The following CFAP299 variants were observed in gnomAD, a reference collection of about 807,000 sequenced individuals.
The protein encoded by CFAP299 is cilia and flagella associated protein 299.
In CFAP299, 21 loss-of-function variants were observed where a neutral mutation model predicts 27.0. The observed-to-expected ratio is 0.78, with a 90% CI of 0.55 to 1.12. The LOEUF (loss-of-function observed/expected upper bound fraction) is 1.12. CFAP299 is among the 50% of genes most tolerant of loss of function. The pLI, the probability that CFAP299 is intolerant of heterozygous loss-of-function variation, is 0.00. For missense variants in CFAP299, 310 were observed against 276.6 expected, an observed-to-expected ratio of 1.12 and a Z score of -0.86; for synonymous variants, 104 against 98.1, an observed-to-expected ratio of 1.06 and a Z score of -0.36.
chr4:80,652,135 GC>G lies in CFAP299; in HGVS notation c.333+68953del, dbSNP rs374386485. Among the ~76,000 whole-genome samples, 1,015 of 152,140 alleles carry G rather than the reference GC, an allele frequency of 6.7e-3. 13 individuals are homozygous for G. Among genetic ancestry groups the G allele is most frequent in the African/African-American group, 0.023 (967 of 41,498 alleles). On this transcript the variant is annotated intron_variant, in intron 3 of 5. Coordinates refer to ENST00000358105, the MANE Select transcript of CFAP299 (RefSeq NM_152770.3). Reference sequence around the variant, plus strand: ...CTACAGGGGTGACAATAAATGTTTTGCATTAGATGTGACACTGCACATTTTA... The same window carrying G: ...CTACAGGGGTGACAATAAATGTTTTGATTAGATGTGACACTGCACATTTTA...
intron 4 of CFAP299, chr4:80,872,063 A>G (rs1300589444): frequency 6.6e-6 from 1 of 151,708 alleles, no homozygotes; most frequent in Non-Finnish European, 1.5e-5. Context: ...CAAATGTCTC[A>G]CATTCTGGAT....
chr4:80,784,594 C>G (rs1316637692), intron 3 of CFAP299, among the ~76,000 whole-genome samples: 1 of 151,810 alleles, frequency 6.6e-6, no homozygotes, highest in Non-Finnish European at 1.5e-5. Flanking sequence ...CTCGGCTCAC[C>G]GCAACCTTGG....
rs61621158 is a variant in CFAP299 at position 80,449,378 on chromosome 4, A to G, written c.242+86494A>G. On this transcript the variant is annotated intron_variant, in intron 2 of 5. Transcript: ENST00000358105. ...TTATTAGTTATTTATAAATAACAGA[A>G]CTATTTTCTTTATTATCTCAACCTT... is the stretch of plus-strand genomic sequence containing the variant. Among the ~76,000 whole-genome samples, 788 of 152,068 alleles carry G rather than the reference A, an allele frequency of 5.2e-3. 14 individuals carry two copies. Among genetic ancestry groups the G allele is most frequent in the Admixed American group, 0.046 (700 of 15,274 alleles).
chr4:80,753,090 G>T (rs1725027829), intron 3 of CFAP299, among the ~76,000 whole-genome samples: 1 of 151,528 alleles, frequency 6.6e-6, no homozygotes, highest in African/African-American at 2.4e-5. Context: ...TGTTTTCTTT[G>T]TTAATTTGTG....
intron 3 of CFAP299, among the ~76,000 whole-genome samples, chr4:80,861,240 C>T (rs913280926): frequency 9.2e-5 from 14 of 152,074 alleles, no homozygotes; most frequent in South Asian, 2.1e-4. Flanking sequence ...TCTCCTGGTG[C>T]GCCGTTTTTT....
intron 3 of CFAP299, among the ~76,000 whole-genome samples, chr4:80,783,792 G>T (rs374674666): frequency 6.6e-6 from 1 of 152,046 alleles, no homozygotes; most frequent in Non-Finnish European, 1.5e-5. Flanking sequence ...TTGCAACCTT[G>T]CTCCTTCTTA....
chr4:80,340,778 ATT>A (rs200722912), intron 1 of CFAP299, among the ~76,000 whole-genome samples: 7,454 of 151,024 alleles, frequency 0.049, 616 homozygotes, highest in African/African-American at 0.17. Flanking sequence ...CCTTTATTTT[ATT>A]TTATTATTTT....
intron 3 of CFAP299, among the ~76,000 whole-genome samples, chr4:80,603,067 G>A (rs543918592): frequency 6.6e-6 from 1 of 152,088 alleles, no homozygotes; most frequent in Non-Finnish European, 1.5e-5. Flanking sequence ...GGATAAAGAA[G>A]ATCTCTAAGC....
intron 2 of CFAP299, chr4:80,420,438 G>T (rs1050125754): frequency 1.8e-5 from 5 of 270,984 alleles, no homozygotes; most frequent in Non-Finnish European, 3.8e-5. Context: ...CAACACTTTT[G>T]TCTTTTTGAT....
At chr4:80,499,445 C>A (rs929528595) in intron 2 of CFAP299, among the ~76,000 whole-genome samples, 1 of 152,012 alleles carries the variant, frequency 6.6e-6, no homozygotes, top group Non-Finnish European at 1.5e-5. Context: ...GATATTTTTT[C>A]CATGTAATGA....
In CFAP299 at chr4:80,787,724, A is replaced by G. The variant is rs559243396; in HGVS notation, c.334-82269A>G. On this transcript the variant is annotated intron_variant, in intron 3 of 5. Coordinates refer to ENST00000358105, the MANE Select transcript of CFAP299 (RefSeq NM_152770.3). ...ACAAGGCCTAAAATATTTAAGGCAT[A>G]TGGGTAGACTACAGCCCACCTAATT... Among the ~76,000 whole-genome samples the G allele has an allele frequency of 2.6e-5, 4 of 152,176 alleles. No homozygotes were observed. In the East Asian group the frequency reaches 7.7e-4, roughly 29 times the overall value.
chr4:80,410,978 G>A (rs1726691124), intron 2 of CFAP299, among the ~76,000 whole-genome samples: 1 of 152,162 alleles, frequency 6.6e-6, no homozygotes, highest in African/African-American at 2.4e-5. Context: ...ATAAAGAAAT[G>A]TGTGTTAAAT....
At chr4:80,638,464 A>G (rs937124355) in intron 3 of CFAP299, among the ~76,000 whole-genome samples, 5 of 152,192 alleles carry the variant, frequency 3.3e-5, no homozygotes, top group African/African-American at 1.2e-4. Context: ...AAAAATACAC[A>G]GAAGTAACAT....
chr4:80,655,575 G>C (rs1740512108), intron 3 of CFAP299, among the ~76,000 whole-genome samples: 1 of 152,098 alleles, frequency 6.6e-6, no homozygotes, highest in African/African-American at 2.4e-5. Flanking sequence ...TTTTTCAAGG[G>C]TATGGGAATA....
chr4:80,526,622 T>A (rs1733192145), intron 2 of CFAP299, among the ~76,000 whole-genome samples: 1 of 152,162 alleles, frequency 6.6e-6, no homozygotes. Context: ...TAAAATCAAA[T>A]AAGGTATCTC....
At chr4:80,799,379 T>C (rs1368753976) in intron 3 of CFAP299, among the ~76,000 whole-genome samples, 1 of 95,888 alleles carries the variant, frequency 1.0e-5, no homozygotes, top group Non-Finnish European at 1.8e-5. Context: ...TATATATAAA[T>C]GTATTTATAT....
chr4:80,370,881 A>T (rs1261527482), intron 2 of CFAP299, among the ~76,000 whole-genome samples: 1 of 152,224 alleles, frequency 6.6e-6, no homozygotes, highest in Non-Finnish European at 1.5e-5. Flanking sequence ...CCCTCTTCTT[A>T]CATCTCCACT....
At chr4:80,882,318 A>C (rs368821633) in intron 4 of CFAP299, among the ~76,000 whole-genome samples, 1 of 152,222 alleles carries the variant, frequency 6.6e-6, no homozygotes, top group Non-Finnish European at 1.5e-5. Flanking sequence ...ATCAAATTAT[A>C]AAAGTCAAAG....
intron 3 of CFAP299, among the ~76,000 whole-genome samples, chr4:80,741,053 AT>A (rs1724234004): frequency 6.6e-6 from 1 of 152,132 alleles, no homozygotes; most frequent in Admixed American, 6.5e-5. Flanking sequence ...CCTGGGTGAT[AT>A]CCAAGGTGCA....
Sources: allele counts gnomAD v4.1 joint callset (sites outside exome capture counted in the v4.1 genomes callset), GRCh38; gene constraint gnomAD v4.1.1; transcripts MANE v1.5; gene names NCBI Gene and HGNC (gene_info 2026-07-23, HGNC 2026-07-21).